C12orf42: variants seen among roughly 807,000 people sequenced by gnomAD.
C12orf42 encodes the protein chromosome 12 open reading frame 42, also known as uncharacterized protein C12orf42.
C12orf42 carries 25 observed loss-of-function variants against 21.6 expected under a neutral mutation model. The observed-to-expected ratio is 1.16, with a 90% CI of 0.84 to 1.62. C12orf42 has a LOEUF of 1.62. Ranked by LOEUF, C12orf42 falls within the 40% of genes most tolerant of loss-of-function variation. The pLI, the probability that C12orf42 is intolerant of heterozygous loss-of-function variation, is 0.00. For synonymous variants in C12orf42, 174 were observed against 175.0 expected, an observed-to-expected ratio of 0.99 and a Z score of 0.05; for missense variants, 483 against 459.3, an observed-to-expected ratio of 1.05 and a Z score of -0.47.
chr12:103,327,503 AGT>A (rs2040824439), intron 4 of C12orf42, among the ~76,000 whole-genome samples: 1 of 152,228 alleles, frequency 6.6e-6, no homozygotes, highest in South Asian at 2.1e-4. Context: ...AGTGATATTC[AGT>A]CTGGAGAAAG....
At chr12:103,180,225 G>A in the C12orf42 span, among the ~76,000 whole-genome samples, 1 of 151,984 alleles carries the variant, frequency 6.6e-6, no homozygotes, top group Non-Finnish European at 1.5e-5. Context: ...TCTTCAAAGG[G>A]TCACAAACAC....
chr12:103,401,070 T>C (rs1040399212), intron 3 of C12orf42, among the ~76,000 whole-genome samples: 3 of 152,144 alleles, frequency 2.0e-5, no homozygotes, highest in Admixed American at 6.5e-5. Context: ...ATGGTGACCA[T>C]CTCCATGTTC....
chr12:103,487,578 G>T (rs1273880890), intron 1 of C12orf42, among the ~76,000 whole-genome samples: 1 of 152,150 alleles, frequency 6.6e-6, no homozygotes, highest in Non-Finnish European at 1.5e-5. Flanking sequence ...CATTATTATG[G>T]TGTGGGAGTC....
At chr12:103,442,622 C>A (rs1239120223) in intron 2 of C12orf42, among the ~76,000 whole-genome samples, 2 of 152,132 alleles carry the variant, frequency 1.3e-5, no homozygotes, top group Admixed American at 6.5e-5. Flanking sequence ...ATATACACTG[C>A]ATTATCATTT....
At chr12:103,140,926 TTGC>T in the C12orf42 span, among the ~76,000 whole-genome samples, 4 of 151,972 alleles carry the variant, frequency 2.6e-5, no homozygotes, top group Non-Finnish European at 5.9e-5. Context: ...CACTGAAAAA[TTGC>T]TGCTGTATTT....
the C12orf42 span, among the ~76,000 whole-genome samples, chr12:103,151,245 G>T: frequency 6.6e-6 from 1 of 152,092 alleles, no homozygotes. Flanking sequence ...ATCTTTCAAA[G>T]TGATTAACAC....
chr12:103,292,901 A>G (rs897126640), intron 4 of C12orf42, among the ~76,000 whole-genome samples: 1 of 152,130 alleles, frequency 6.6e-6, no homozygotes, highest in Non-Finnish European at 1.5e-5. Flanking sequence ...TAAAATAATT[A>G]TGATTGACAA....
chr12:103,382,013 C>A (rs1290895647), intron 3 of C12orf42, among the ~76,000 whole-genome samples: 1 of 152,064 alleles, frequency 6.6e-6, no homozygotes, highest in Non-Finnish European at 1.5e-5. Context: ...ATAGTTATGA[C>A]AATTAAATGA....
At chr12:103,298,239 T>A (rs539385806), downstream of C12orf42, among the ~76,000 whole-genome samples, 7 of 152,258 alleles carry the variant, frequency 4.6e-5, no homozygotes, top group African/African-American at 1.7e-4. Context: ...CTTAAGCTGA[T>A]AAGCAACTTC....
the C12orf42 span, among the ~76,000 whole-genome samples, chr12:103,217,943 A>G: frequency 2.0e-5 from 3 of 152,056 alleles, no homozygotes; most frequent in African/African-American, 4.8e-5. Context: ...TGTCTATACC[A>G]TTCATTTGTT....
intron 2 of C12orf42, among the ~76,000 whole-genome samples, chr12:103,432,108 T>C (rs1441087408): frequency 6.6e-6 from 1 of 152,172 alleles, no homozygotes; most frequent in Non-Finnish European, 1.5e-5. Context: ...TCCACATGTG[T>C]AGTGTGTTTA....
intron 2 of C12orf42, among the ~76,000 whole-genome samples, chr12:103,453,724 T>C (rs1419258651): frequency 6.6e-6 from 1 of 152,120 alleles, no homozygotes; most frequent in African/African-American, 2.4e-5. Flanking sequence ...AAACTCCTCT[T>C]CTTGATTGCA....
the C12orf42 span, among the ~76,000 whole-genome samples, chr12:103,222,381 A>G: frequency 6.6e-6 from 1 of 152,126 alleles, no homozygotes; most frequent in East Asian, 1.9e-4. Context: ...GACTTTCACA[A>G]GGTAATGTCA....
the C12orf42 span, among the ~76,000 whole-genome samples, chr12:103,538,699 A>G: frequency 1.3e-5 from 2 of 152,228 alleles, no homozygotes; most frequent in African/African-American, 4.8e-5. Context: ...TTTTTCTGAA[A>G]GCTAGTAATG....
chr12:103,103,806 T>TC, the C12orf42 span, among the ~76,000 whole-genome samples: 1 of 147,762 alleles, frequency 6.8e-6, no homozygotes, highest in East Asian at 2.0e-4. Flanking sequence ...ATAGCTCACT[T>TC]TTTTTTTTTT....
At chr12:103,365,942 C>CCA (rs2044561304) in intron 4 of C12orf42, among the ~76,000 whole-genome samples, 1 of 151,716 alleles carries the variant, frequency 6.6e-6, no homozygotes, top group African/African-American at 2.4e-5. Flanking sequence ...CATCAAAATA[C>CCA]CACCATCATT....
At chr12:103,272,381 C>G (rs1208691558) in intron 5 of C12orf42, among the ~76,000 whole-genome samples, 2 of 152,126 alleles carry the variant, frequency 1.3e-5, no homozygotes, top group East Asian at 3.9e-4. Context: ...AAATTATTTA[C>G]TCCCTACCCA....
intron 4 of C12orf42, among the ~76,000 whole-genome samples, chr12:103,319,684 C>T (rs1278559056): frequency 6.6e-6 from 1 of 152,332 alleles, no homozygotes; most frequent in Admixed American, 6.5e-5. Flanking sequence ...GCCCTATGGC[C>T]GTCTGGCCAA....
intron 1 of C12orf42, among the ~76,000 whole-genome samples, chr12:103,482,765 A>G (rs1954559954): frequency 6.6e-6 from 1 of 151,726 alleles, no homozygotes; most frequent in Non-Finnish European, 1.5e-5. Flanking sequence ...TCTATTTTCC[A>G]TGTCTTTTCA....
Sources: gnomAD v4.1 joint callset for allele counts (sites outside exome capture counted in the v4.1 genomes callset) on GRCh38, gnomAD v4.1.1 for gene constraint, MANE v1.5 for transcripts, NCBI Gene and HGNC (gene_info 2026-07-23, HGNC 2026-07-21) for gene names.